ZHX3: variants seen among roughly 807,000 people sequenced by gnomAD.
The protein encoded by ZHX3 is zinc fingers and homeoboxes protein 3.
ZHX3 carries 20 observed loss-of-function variants against 64.5 expected under a neutral mutation model. The ratio of observed to expected loss-of-function variants is 0.31; its 90% CI spans 0.22 to 0.45. The LOEUF is 0.45. Among genes scored for constraint, ZHX3 ranks in the 20% least tolerant of loss-of-function variants. The pLI is 1.00. For synonymous variants in ZHX3, 423 were observed against 461.6 expected, an observed-to-expected ratio of 0.92 and a Z score of 1.07; for missense variants, 1,041 against 1,195.8, an observed-to-expected ratio of 0.87 and a Z score of 1.91.
At position 41,184,003 on chromosome 20, in the gene ZHX3, G is replaced by A. The variant is rs1228075595; in HGVS notation, c.*1188C>T. On this transcript the variant is annotated 3_prime_UTR_variant, in exon 4 of 4. Coordinates refer to ENST00000683867, the MANE Select transcript of ZHX3 (RefSeq NM_001384317.1). Reference sequence around the variant, plus strand: ...AGGACCAGTGATGCCCAGCACCCTTGGGCATGCATCCAGCACACCGGCCAG... The same window carrying A: ...AGGACCAGTGATGCCCAGCACCCTTAGGCATGCATCCAGCACACCGGCCAG... 2 of 152,174 alleles carry A rather than the reference G, an allele frequency of 1.3e-5. No homozygotes were observed. The highest frequency in any genetic ancestry group is 6.5e-5 in the Admixed American group (1 of 15,286). 9.4% of individuals were successfully genotyped at this position (152,174 alleles called of 1,614,324 possible).
intron 1 of ZHX3, among the ~76,000 whole-genome samples, chr20:41,312,681 A>G (rs1481831475): frequency 6.6e-6 from 1 of 152,204 alleles, no homozygotes; most frequent in Non-Finnish European, 1.5e-5. Context: ...TGGACGTTTA[A>G]GGATCTTTCT....
chr20:41,189,383 T>G (rs1030580855), intron 3 of ZHX3, among the ~76,000 whole-genome samples: 1 of 152,184 alleles, frequency 6.6e-6, no homozygotes, highest in African/African-American at 2.4e-5. Context: ...AAAAATCACA[T>G]TGGTATTTTG....
chr20:41,222,640 T>G (rs1396507991), intron 2 of ZHX3, among the ~76,000 whole-genome samples: 1 of 152,124 alleles, frequency 6.6e-6, no homozygotes, highest in Non-Finnish European at 1.5e-5. Context: ...GAAATTGCAC[T>G]CTCTGAGGTG....
intron 2 of ZHX3, among the ~76,000 whole-genome samples, chr20:41,260,188 A>G (rs1270578918): frequency 6.6e-6 from 1 of 152,128 alleles, no homozygotes; most frequent in Non-Finnish European, 1.5e-5. Context: ...GTGAAAAAAA[A>G]AAAAGGCAAT....
At chr20:41,233,278 C>A (rs898873160) in intron 2 of ZHX3, among the ~76,000 whole-genome samples, 7 of 152,220 alleles carry the variant, frequency 4.6e-5, no homozygotes, top group African/African-American at 1.4e-4. Context: ...CTTAGACATT[C>A]TCCCTGCTAT....
At chr20:41,248,608 C>T (rs975980984) in intron 2 of ZHX3, among the ~76,000 whole-genome samples, 6 of 152,190 alleles carry the variant, frequency 3.9e-5, no homozygotes, top group African/African-American at 9.7e-5. Flanking sequence ...TATGTGGTTA[C>T]AGCTCACTCT....
chr20:41,264,617 A>G (rs187772411), intron 2 of ZHX3, among the ~76,000 whole-genome samples: 1 of 151,748 alleles, frequency 6.6e-6, no homozygotes, highest in Non-Finnish European at 1.5e-5. Flanking sequence ...CAATTCTTTC[A>G]GTCTCCAGGA....
At chr20:41,288,254 A>C (rs2044038216) in intron 1 of ZHX3, among the ~76,000 whole-genome samples, 1 of 152,186 alleles carries the variant, frequency 6.6e-6, no homozygotes, top group South Asian at 2.1e-4. Context: ...TCATGGCCTC[A>C]AGCAATCCAC....
At chr20:41,313,627 T>C (rs2045206920) in intron 1 of ZHX3, among the ~76,000 whole-genome samples, 1 of 134,430 alleles carries the variant, frequency 7.4e-6, no homozygotes, top group Non-Finnish European at 1.5e-5. Context: ...AGATGGAGTC[T>C]CACTCTGTCG....
intron 2 of ZHX3, among the ~76,000 whole-genome samples, chr20:41,238,985 T>A (rs1397029521): frequency 6.9e-6 from 1 of 145,416 alleles, no homozygotes; most frequent in Non-Finnish European, 1.5e-5. Flanking sequence ...GGGCCTATTT[T>A]CTCTCTCTTT....
chr20:41,313,846 T>C (rs2045215409), intron 1 of ZHX3, among the ~76,000 whole-genome samples: 1 of 152,202 alleles, frequency 6.6e-6, no homozygotes, highest in African/African-American at 2.4e-5. Flanking sequence ...TCTGCCCGCC[T>C]TGGCCTCCCA....
rs374206745 is a variant in ZHX3 at position 41,186,166 on chromosome 20, A to T, written c.2861-965T>A. On this transcript the variant is annotated intron_variant, in intron 3 of 3. Transcript: ENST00000683867. ...TAAACAACAACTCCCCATGTCCTCCACCCCTTAGGCCCTGGTAACCTCTAT... is the reference window on the plus strand; with the variant it reads ...TAAACAACAACTCCCCATGTCCTCCTCCCCTTAGGCCCTGGTAACCTCTAT... Among the ~76,000 whole-genome samples, 77 of 152,128 alleles carry T rather than the reference A, an allele frequency of 5.1e-4. 1 individual carries two copies. The highest frequency in any genetic ancestry group is 4.8e-3 in the East Asian group (25 of 5,182).
chr20:41,246,957 C>CTCT (rs996723130), intron 2 of ZHX3, among the ~76,000 whole-genome samples: 3 of 151,768 alleles, frequency 2.0e-5, no homozygotes, highest in African/African-American at 7.3e-5. Context: ...TAGACATGAA[C>CTCT]TCTTATAAAG....
At position 41,203,422 on chromosome 20, in the gene ZHX3, T is replaced by G. The variant is rs1192650304; in HGVS notation, c.1495A>C (p.Asn499His). Residue 499 changes from asparagine to histidine, a missense_variant, in exon 3 of 4, where the codon AAT (asparagine) becomes CAT (histidine). Around this residue, in one of 4 missense-constraint regions of ZHX3, gnomAD observed 649 missense variants for 739.8 expected, o/e 0.88. Coordinates refer to ENST00000683867, the MANE Select transcript of ZHX3 (RefSeq NM_001384317.1). This position sits in a 1 kb window ranked among gnomAD's most constrained non-coding sequence, Gnocchi z 7.1. ...QAFLDASIYK[N>H]KKSHEQLSAL... ...GACAGCTGTTCATGAGATTTCTTAT[T>G]TTTGTAGATGCTAGCATCAAGGAAG... is the stretch of plus-strand genomic sequence containing the variant. 8 of 1,614,156 alleles carry G rather than the reference T, an allele frequency of 5.0e-6. No individual in the cohort carries two copies. Among genetic ancestry groups the G allele is most frequent in the Admixed American group, 1.7e-5 (1 of 60,022 alleles).
At chr20:41,282,648 G>C (rs1009933886) in intron 1 of ZHX3, among the ~76,000 whole-genome samples, 3 of 151,956 alleles carry the variant, frequency 2.0e-5, no homozygotes, top group Non-Finnish European at 4.4e-5. Context: ...GTAAGCCACC[G>C]CACCCAGCCC....
At chr20:41,266,852 T>C in intron 2 of ZHX3, among the ~76,000 whole-genome samples, 1 of 141,778 alleles carries the variant, frequency 7.1e-6, no homozygotes, top group East Asian at 2.1e-4. Context: ...GCCTTTTTTT[T>C]TTTTTTTTTT....
At chr20:41,303,413 TC>T (rs2044882561) in intron 1 of ZHX3, among the ~76,000 whole-genome samples, 1 of 152,080 alleles carries the variant, frequency 6.6e-6, no homozygotes, top group Non-Finnish European at 1.5e-5. Context: ...GAAGCAAAAA[TC>T]AACTCCCACT....
In ZHX3 at chr20:41,204,399, G is replaced by A. The variant is rs371864723; in HGVS notation, c.518C>T (p.Ala173Val). 6.2e-7 allele frequency: 1 copy of A among 1,614,034 alleles called. No homozygotes were observed. The highest frequency in any genetic ancestry group is 1.3e-5 in the African/African-American group (1 of 74,918). ...DLAGEPSAEG[A>V]DGQAEIIITK... The stretch of plus-strand genomic sequence containing the variant: ...AATGATGATTTCTGCCTGTCCATCA[G>A]CCCCTTCAGCACTGGGCTCACCCGC... Residue 173 changes from alanine to valine, a missense_variant, in exon 3 of 4, where the codon GCT (alanine) becomes GTT (valine). Physicochemically the swap from Ala to Val is moderately conservative, Grantham distance 64. This residue lies in a region of ZHX3 where 358 missense variants were observed against 369.1 expected (regional missense o/e 0.97). Transcript: ENST00000683867. The surrounding 1 kb of genome is among the most constrained non-coding windows in gnomAD (Gnocchi z 6.6).
chr20:41,277,293 A>G (rs547678481), intron 1 of ZHX3, among the ~76,000 whole-genome samples: 60 of 152,236 alleles, frequency 3.9e-4, no homozygotes, highest in African/African-American at 1.3e-3. Flanking sequence ...GCAAGACCCT[A>G]TCTCTTACAA....
Sources: gnomAD v4.1 joint callset for allele counts (sites outside exome capture counted in the v4.1 genomes callset) on GRCh38, gnomAD v4.1.1 for gene constraint, gnomAD v4.1.1 regional missense constraint, Gnocchi (gnomAD v3.1) non-coding constraint, MANE v1.5 for transcripts, NCBI Gene and HGNC (gene_info 2026-07-23, HGNC 2026-07-21) for gene names.